The following ARHGAP24 variants were observed in gnomAD, a reference collection of about 807,000 sequenced individuals.
ARHGAP24 encodes rho GTPase-activating protein 24.
Under a neutral mutation model 76.4 loss-of-function variants are expected in ARHGAP24, and 50 were observed. The ratio of observed to expected loss-of-function variants is 0.65; its 90% CI spans 0.52 to 0.83. ARHGAP24 has a LOEUF of 0.83. Ranked by LOEUF, ARHGAP24 falls within the 40% of genes least tolerant of loss-of-function variation. The probability of loss-of-function intolerance (pLI) is 0.00; values close to 1 mark genes in which losing one functional copy is unlikely to be tolerated. For synonymous variants in ARHGAP24, 345 were observed against 323.3 expected (o/e 1.07, Z -0.72); for missense variants, 930 against 914.2 (o/e 1.02, Z -0.22).
chr4:85,715,232 C>A (rs984300291), intron 2 of ARHGAP24, among the ~76,000 whole-genome samples: 2 of 152,020 alleles, frequency 1.3e-5, no homozygotes, highest in African/African-American at 4.8e-5. Flanking sequence ...GCCTTGCAAA[C>A]ACGATAGTAA....
At position 85,701,362 on chromosome 4, in the gene ARHGAP24, T is replaced by C. The variant is rs147899659; in HGVS notation, c.181-20523T>C. ...AGTTCTTTAGTGGTGATTTCTGAGA[T>C]TTTAGTGCACCCATCACCTGAGCGC... On this transcript the variant is annotated intron_variant, in intron 2 of 9. Transcript: ENST00000395184. Among the ~76,000 whole-genome samples the C allele has an allele frequency of 6.6e-5, 10 of 152,278 alleles. No homozygotes were observed. The East Asian group carries it at 1.7e-3, about 26-fold the overall frequency.
chr4:85,896,305 A>T (rs1734176403), intron 3 of ARHGAP24, among the ~76,000 whole-genome samples: 1 of 152,180 alleles, frequency 6.6e-6, no homozygotes. Context: ...GTAGTTCTGT[A>T]TTACTATATT....
chr4:85,853,662 C>T (rs1015304787), intron 3 of ARHGAP24, among the ~76,000 whole-genome samples: 1 of 152,180 alleles, frequency 6.6e-6, no homozygotes, highest in African/African-American at 2.4e-5. Context: ...CACAGTGGCT[C>T]ACACCTGTAA....
chr4:85,747,202 C>G, intron 3 of ARHGAP24, among the ~76,000 whole-genome samples: 1 of 152,118 alleles, frequency 6.6e-6, no homozygotes, highest in East Asian at 1.9e-4. Flanking sequence ...TTTTAAATCT[C>G]CTATCATCAG....
At chr4:85,953,497 G>A (rs969338883) in intron 5 of ARHGAP24, among the ~76,000 whole-genome samples, 5 of 152,164 alleles carry the variant, frequency 3.3e-5, no homozygotes, top group African/African-American at 1.2e-4. Flanking sequence ...TACAGACATA[G>A]GAGAGATTTT....
At position 85,626,451 on chromosome 4, in the gene ARHGAP24, G is replaced by A. The variant is rs184504936; in HGVS notation, c.180+55730G>A. Among the ~76,000 whole-genome samples, 238 of 151,690 alleles carry A rather than the reference G, an allele frequency of 1.6e-3. 1 individual carries two copies. The highest frequency in any genetic ancestry group is 5.6e-3 in the African/African-American group (229 of 41,260). On this transcript the variant is annotated intron_variant, in intron 2 of 9. Coordinates refer to ENST00000395184, the MANE Select transcript of ARHGAP24 (RefSeq NM_001025616.3). The stretch of plus-strand genomic sequence containing the variant: ...CTGTCGAGAGATCTGCTGTTAGTCT[G>A]ATGGGCTTCCCTTTGTGGATAACCC...
intron 1 of ARHGAP24, among the ~76,000 whole-genome samples, chr4:85,477,777 T>A (rs571026708): frequency 2.0e-5 from 3 of 152,286 alleles, no homozygotes; most frequent in African/African-American, 7.2e-5. Flanking sequence ...TCTTTCCGGC[T>A]CGATTAAAGT....
chr4:85,960,280 G>A (rs750960319), intron 5 of ARHGAP24, among the ~76,000 whole-genome samples: 4 of 152,038 alleles, frequency 2.6e-5, no homozygotes, highest in Non-Finnish European at 4.4e-5. Context: ...TTATTTTCCT[G>A]ATTCTTTTGA....
At chr4:85,886,261 A>G (rs1189803203) in intron 3 of ARHGAP24, among the ~76,000 whole-genome samples, 1 of 152,210 alleles carries the variant, frequency 6.6e-6, no homozygotes, top group African/African-American at 2.4e-5. Flanking sequence ...GGACAATTAT[A>G]TAATCATACA....
intron 2 of ARHGAP24, among the ~76,000 whole-genome samples, chr4:85,691,958 G>A (rs890298744): frequency 2.0e-5 from 3 of 152,158 alleles, no homozygotes; most frequent in African/African-American, 7.2e-5. Context: ...TTGTTTGGTA[G>A]CAGGTGTTGT....
At chr4:85,863,208 T>C (rs1732001607) in intron 3 of ARHGAP24, among the ~76,000 whole-genome samples, 1 of 151,972 alleles carries the variant, frequency 6.6e-6, no homozygotes, top group South Asian at 2.1e-4. Context: ...TCAGAGCTAC[T>C]TCTCCTTTCC....
At chr4:85,526,407 A>AG (rs1172022872) in intron 1 of ARHGAP24, among the ~76,000 whole-genome samples, 1 of 152,018 alleles carries the variant, frequency 6.6e-6, no homozygotes, top group Admixed American at 6.6e-5. Flanking sequence ...CAAAAAAAAA[A>AG]AAAAAGAAAC....
chr4:85,717,113 A>G (rs1237641416), intron 2 of ARHGAP24, among the ~76,000 whole-genome samples: 2 of 152,224 alleles, frequency 1.3e-5, no homozygotes, highest in African/African-American at 4.8e-5. Context: ...GAATTTTAAA[A>G]TATCACATGG....
intron 3 of ARHGAP24, among the ~76,000 whole-genome samples, chr4:85,900,087 C>T (rs1734409040): frequency 6.6e-6 from 1 of 152,096 alleles, no homozygotes; most frequent in Admixed American, 6.5e-5. Context: ...ATGCTGTCAA[C>T]CTGTGGTGCA....
At chr4:85,559,709 A>G (rs967978414) in intron 1 of ARHGAP24, among the ~76,000 whole-genome samples, 2 of 152,210 alleles carry the variant, frequency 1.3e-5, no homozygotes, top group African/African-American at 4.8e-5. Context: ...GTCTAGTCAC[A>G]GATTCAATTA....
chr4:85,945,565 C>T (rs1456453409), intron 5 of ARHGAP24, among the ~76,000 whole-genome samples: 1 of 151,808 alleles, frequency 6.6e-6, no homozygotes, highest in Non-Finnish European at 1.5e-5. Context: ...AGTTTGAGAC[C>T]AGCCTGGCCA....
At chr4:85,610,910 G>T (rs1720360088) in intron 2 of ARHGAP24, among the ~76,000 whole-genome samples, 1 of 152,004 alleles carries the variant, frequency 6.6e-6, no homozygotes, top group Admixed American at 6.6e-5. Context: ...GTTTTCTACA[G>T]ATATGAAAGA....
At chr4:85,556,757 G>T (rs1191498498) in intron 1 of ARHGAP24, among the ~76,000 whole-genome samples, 1 of 152,138 alleles carries the variant, frequency 6.6e-6, no homozygotes, top group East Asian at 1.9e-4. Flanking sequence ...ATCTCCATAG[G>T]TCTCCAACCA....
intron 5 of ARHGAP24, among the ~76,000 whole-genome samples, chr4:85,961,508 A>G (rs1738247738): frequency 6.6e-6 from 1 of 150,446 alleles, no homozygotes; most frequent in Non-Finnish European, 1.5e-5. Flanking sequence ...AAGAAAATAT[A>G]TTTTCTAGAA....
Sources: allele counts gnomAD v4.1 joint callset (sites outside exome capture counted in the v4.1 genomes callset), GRCh38; gene constraint gnomAD v4.1.1; transcripts MANE v1.5; gene names NCBI Gene and HGNC (gene_info 2026-07-23, HGNC 2026-07-21).